The following IFT46 variants were observed in gnomAD, a reference collection of about 807,000 sequenced individuals.
IFT46 encodes the protein intraflagellar transport 46.
Under a neutral mutation model 39.6 loss-of-function variants are expected in IFT46, and 19 were observed. The observed-to-expected ratio is 0.48, with a 90% CI of 0.33 to 0.70. The LOEUF is 0.70. IFT46 is among the 30% of genes least tolerant of loss of function. The probability of loss-of-function intolerance (pLI) is 0.01; values close to 1 mark genes in which losing one functional copy is unlikely to be tolerated. For synonymous variants in IFT46, 117 were observed against 134.8 expected (o/e 0.87, Z 0.91); for missense variants, 334 against 364.8 (o/e 0.92, Z 0.69).
At chr11:118,567,458 C>T (rs1938252543), upstream of IFT46, among the ~76,000 whole-genome samples, 1 of 151,456 alleles carries the variant, frequency 6.6e-6, no homozygotes, top group African/African-American at 2.4e-5. Flanking sequence ...CGCCTGTAAT[C>T]CCAGCCACTC....
At chr11:118,545,916 C>G in intron 9 of IFT46, 63 bp from the exon 10 acceptor site, 1 of 1,426,244 alleles carries the variant, frequency 7.0e-7, no homozygotes, top group Non-Finnish European at 9.9e-7. Flanking sequence ...GAACCACTCT[C>G]TCTCTCTGAA....
intron 2 of IFT46, chr11:118,560,671 C>G (rs573776498): frequency 3.7e-6 from 2 of 537,066 alleles, no homozygotes; most frequent in Non-Finnish European, 6.8e-6. Context: ...GCCGCAAACG[C>G]GGGTCTCTGT....
At chr11:118,563,254 G>C (rs1053482634) in intron 2 of IFT46, among the ~76,000 whole-genome samples, 18 of 152,030 alleles carry the variant, frequency 1.2e-4, no homozygotes, top group African/African-American at 3.6e-4. Context: ...ACAGACAGTA[G>C]AATAGTGGTT....
intron 2 of IFT46, chr11:118,561,718 A>G (rs1938062965): frequency 3.9e-6 from 1 of 253,422 alleles, no homozygotes; most frequent in African/African-American, 2.3e-5. Flanking sequence ...CAGGCCTCTT[A>G]TAAGGATCAA....
Position 118,555,660 on chromosome 11 carries a change from A to C in IFT46, c.186-338T>G. 1.8e-5 allele frequency: 4 copies of C among 221,410 alleles called. No homozygotes were observed. The South Asian group carries it at 2.5e-4, about 14-fold the overall frequency. 13.7% of individuals were successfully genotyped at this position (221,410 alleles called of 1,614,324 possible). On this transcript the variant is annotated intron_variant, in intron 4 of 11. Coordinates refer to ENST00000264021, the MANE Select transcript of IFT46 (RefSeq NM_001168618.2). ...TTTAGGGCTGGGCGTGGTGGCTCAC[A>C]CCTGTAATCCCAGCACTTTTGGAGG... is the stretch of plus-strand genomic sequence containing the variant.
chr11:118,556,400 G>C (rs971075394), intron 4 of IFT46, among the ~76,000 whole-genome samples: 1 of 152,134 alleles, frequency 6.6e-6, no homozygotes, highest in African/African-American at 2.4e-5. Context: ...GGCTGAGGCA[G>C]GAGAATGGCG....
chr11:118,556,346 A>G (rs1937833763), intron 4 of IFT46, among the ~76,000 whole-genome samples: 1 of 152,106 alleles, frequency 6.6e-6, no homozygotes, highest in African/African-American at 2.4e-5. Context: ...AAAAAAAATT[A>G]GCTGGGCGTG....
intron 9 of IFT46, among the ~76,000 whole-genome samples, chr11:118,548,337 G>A (rs993094398): frequency 1.4e-5 from 2 of 147,848 alleles, no homozygotes; most frequent in Non-Finnish European, 3.0e-5. Context: ...ATTTCTATGA[G>A]TTTAAACTGT....
At chr11:118,570,202 C>T (rs1185937078), upstream of IFT46, among the ~76,000 whole-genome samples, 2 of 151,548 alleles carry the variant, frequency 1.3e-5, no homozygotes, top group East Asian at 1.9e-4. Context: ...TACAGGCACG[C>T]GCCACCATGC....
In IFT46 at chr11:118,545,404, C is replaced by T. The variant is rs555886955; in HGVS notation, c.819+5G>A. The T allele has an allele frequency of 2.5e-6, 4 of 1,602,668 alleles. No homozygotes were observed. The South Asian group carries it at 3.3e-5, about 13-fold the overall frequency. ...GCTTAAGTCAACCCCTGATGCTTGGCTCACCTGTGAGTTCTTGAATTCTGA... is the reference window on the plus strand; with the variant it reads ...GCTTAAGTCAACCCCTGATGCTTGGTTCACCTGTGAGTTCTTGAATTCTGA... On this transcript the variant is annotated splice_donor_5th_base_variant and intron_variant, in intron 11 of 11. Transcript: ENST00000264021.
At chr11:118,561,542 A>G in intron 2 of IFT46, 1 of 701,426 alleles carries the variant, frequency 1.4e-6, no homozygotes, top group Admixed American at 2.2e-5. Flanking sequence ...AAAGAAGGCA[A>G]GCTCCCTCAG....
chr11:118,575,210 C>T (rs1222646419), upstream of IFT46, among the ~76,000 whole-genome samples: 5 of 152,144 alleles, frequency 3.3e-5, no homozygotes, highest in African/African-American at 1.2e-4. Flanking sequence ...GATCTCCTCA[C>T]CTCGTGATCT....
chr11:118,563,084 A>G (rs1938116650), intron 2 of IFT46, among the ~76,000 whole-genome samples: 1 of 152,124 alleles, frequency 6.6e-6, no homozygotes. Flanking sequence ...AAAAAGTGCA[A>G]TATACATGCA....
chr11:118,575,117 T>TA (rs1208713609), upstream of IFT46, among the ~76,000 whole-genome samples: 3 of 152,152 alleles, frequency 2.0e-5, no homozygotes, highest in Admixed American at 6.6e-5. Context: ...TAGCTGGGAC[T>TA]GCAGGCGCCT....
intron 3 of IFT46, chr11:118,557,739 T>C: frequency 6.2e-7 from 1 of 1,614,058 alleles, no homozygotes; most frequent in Non-Finnish European, 8.5e-7. Context: ...ATAACCTACC[T>C]TTCTGTGCTT....
chr11:118,557,737 C>G, intron 3 of IFT46: 1 of 1,613,986 alleles, frequency 6.2e-7, no homozygotes, highest in Non-Finnish European at 8.5e-7. Context: ...TTATAACCTA[C>G]CTTTCTGTGC....
At chr11:118,556,441 C>T (rs1197550769) in intron 4 of IFT46, among the ~76,000 whole-genome samples, 3 of 151,856 alleles carry the variant, frequency 2.0e-5, no homozygotes, top group African/African-American at 7.3e-5. Context: ...TGCAGTGAGC[C>T]GAGATCACGC....
At chr11:118,546,147 A>G (rs1555067091) in intron 9 of IFT46, 2 of 718,596 alleles carry the variant, frequency 2.8e-6, no homozygotes, top group Non-Finnish European at 5.2e-6. Flanking sequence ...AAGACGCATA[A>G]CAGAGGGAAG....
intron 9 of IFT46, 176 bp from the exon 10 acceptor site, chr11:118,546,029 T>C (rs1174602950): frequency 4.2e-6 from 3 of 711,502 alleles, no homozygotes; most frequent in Admixed American, 2.1e-5. Context: ...AATGTGACTA[T>C]ATTTGGAGAT....
Sources: gnomAD v4.1 joint callset for allele counts (sites outside exome capture counted in the v4.1 genomes callset) on GRCh38, gnomAD v4.1.1 for gene constraint, MANE v1.5 for transcripts, NCBI Gene and HGNC (gene_info 2026-07-23, HGNC 2026-07-21) for gene names.